UBR2: variants seen among roughly 807,000 people sequenced by gnomAD.
The protein encoded by UBR2 is ubiquitin protein ligase E3 component n-recognin 2.
Under a neutral mutation model 247.9 loss-of-function variants are expected in UBR2, and 92 were observed. The observed-to-expected ratio is 0.37, with a 90% CI of 0.31 to 0.44. The LOEUF is 0.44. UBR2 is among the 20% of genes least tolerant of loss of function. The probability of loss-of-function intolerance (pLI) is 1.00; values close to 1 mark genes in which losing one functional copy is unlikely to be tolerated. For synonymous variants in UBR2, 672 were observed against 693.5 expected, an observed-to-expected ratio of 0.97 and a Z score of 0.49; for missense variants, 1,613 against 2,112.6, an observed-to-expected ratio of 0.76 and a Z score of 4.64.
At chr6:42,579,587 A>G (rs1791744637) in intron 2 of UBR2, among the ~76,000 whole-genome samples, 1 of 152,214 alleles carries the variant, frequency 6.6e-6, no homozygotes, top group African/African-American at 2.4e-5. Context: ...CAGTGGCATG[A>G]TCATAACTCA....
chr6:42,632,064 A>AT (rs1361167705), intron 11 of UBR2, among the ~76,000 whole-genome samples: 20 of 65,812 alleles, frequency 3.0e-4, no homozygotes, highest in African/African-American at 2.4e-4. Flanking sequence ...TTTAAAAAAA[A>AT]AAAAAATATA....
chr6:42,637,331 C>T (rs938375586), intron 15 of UBR2, 137 bp downstream of exon 15: 9 of 991,362 alleles, frequency 9.1e-6, no homozygotes, highest in Middle Eastern at 2.8e-4. Flanking sequence ...ATCATCACAT[C>T]GTCCTGTGAA....
Position 42,663,433 on chromosome 6 carries a change from C to T in UBR2, c.3698+14C>T, listed in dbSNP as rs371577700. On this transcript the variant is annotated intron_variant, in intron 32 of 46. Coordinates refer to ENST00000372901, the MANE Select transcript of UBR2 (RefSeq NM_001363705.2). ...TATTTTTAACAAGTAAGTTTTGGCT[C>T]ATGACAACTATTACAAAGCAATAGT... is the stretch of plus-strand genomic sequence containing the variant. The T allele has an allele frequency of 1.3e-6, 2 of 1,598,816 alleles. No homozygotes were observed. Among genetic ancestry groups the T allele is most frequent in the African/African-American group, 1.4e-5 (1 of 73,916 alleles).
chr6:42,658,619 G>A (rs774347398), intron 28 of UBR2, 27 bp from the exon 29 acceptor site: 17 of 1,571,046 alleles, frequency 1.1e-5, no homozygotes, highest in Admixed American at 6.2e-5. Context: ...GCATCTAATT[G>A]TCTAATTGAA....
intron 34 of UBR2, 54 bp from the exon 35 acceptor site, chr6:42,670,038 T>G: frequency 6.3e-7 from 1 of 1,583,884 alleles, no homozygotes; most frequent in Non-Finnish European, 8.6e-7. Flanking sequence ...AACCGAACCA[T>G]TTGATTGATA....
chr6:42,640,921 G>T (rs1398055226), intron 16 of UBR2, among the ~76,000 whole-genome samples: 1 of 151,478 alleles, frequency 6.6e-6, no homozygotes, highest in Non-Finnish European at 1.5e-5. Flanking sequence ...TAGAGACAGG[G>T]TTTCACCATG....
At position 42,614,439 on chromosome 6, in the gene UBR2, C is replaced by CGTACGTACATACGTATATACGTATGTAT. The variant is rs1554250497; in HGVS notation, c.986-628_986-627insGTACATACGTATATACGTATGTATGTAC. ...ACGTACGTACATATATATGTATGTA[C>CGTACGTACATACGTATATACGTATGTAT]GTACATATATATGTATGGAACAAAT... On this transcript the variant is annotated intron_variant, in intron 8 of 46. Coordinates refer to ENST00000372901, the MANE Select transcript of UBR2 (RefSeq NM_001363705.2). Among the ~76,000 whole-genome samples the CGTACGTACATACGTATATACGTATGTAT allele has an allele frequency of 3.0e-4, 28 of 92,058 alleles. 2 individuals are homozygous for CGTACGTACATACGTATATACGTATGTAT. The highest frequency in any genetic ancestry group is 5.1e-3 in the Middle Eastern group (1 of 198). The allele number at this position is 92,058 out of a possible 152,430, so 60.4% of individuals were successfully genotyped here.
chr6:42,635,339 C>T, intron 13 of UBR2, 79 bp from the exon 14 acceptor site: 1 of 1,386,088 alleles, frequency 7.2e-7, no homozygotes, highest in South Asian at 1.3e-5. Context: ...ATATATTTCT[C>T]CTACATTACT....
At position 42,592,161 on chromosome 6, in the gene UBR2, G is replaced by A. The variant is rs896667859; in HGVS notation, c.349G>A (p.Val117Ile). ...TTTTTAACTTTACAGAGACTGTGCA[G>A]TTGATCCAACTTGTGTTTTGTGCAT... Reference protein sequence around the residue: ...EPTYSCRDCAVDPTCVLCMEC... With the variant: ...EPTYSCRDCAIDPTCVLCMEC... The change falls in exon 3 of 47, where the codon GTT (valine) becomes ATT (isoleucine). Residue 117 changes from valine to isoleucine, a missense_variant. Physicochemically the swap from Val to Ile is conservative, Grantham distance 29 (BLOSUM62 3). Transcript: ENST00000372901. 2 of 1,602,544 alleles carry A rather than the reference G, an allele frequency of 1.2e-6. No homozygotes were observed. The highest frequency in any genetic ancestry group is 1.8e-5 in the Admixed American group (1 of 56,788).
At chr6:42,591,923 G>A (rs1461364219) in intron 2 of UBR2, among the ~76,000 whole-genome samples, 1 of 152,088 alleles carries the variant, frequency 6.6e-6, no homozygotes. Flanking sequence ...CTAATAATAT[G>A]TGCCTTGAAA....
At chr6:42,647,360 T>A (rs1441987400) in intron 21 of UBR2, among the ~76,000 whole-genome samples, 4 of 141,824 alleles carry the variant, frequency 2.8e-5, no homozygotes, top group Admixed American at 1.6e-4. Flanking sequence ...GGTGGGCGGA[T>A]CAGGAAGTCA....
intron 8 of UBR2, among the ~76,000 whole-genome samples, chr6:42,614,439 C>CGTACATACATACGTATATATGTAAGTAT (rs1562312402): frequency 1.1e-5 from 1 of 91,996 alleles, no homozygotes; most frequent in South Asian, 3.5e-4. Flanking sequence ...TATGTATGTA[C>CGTACATACATACGTATATATGTAAGTAT]GTACATATAT....
chr6:42,653,228 G>A (rs1458805735), intron 25 of UBR2, among the ~76,000 whole-genome samples: 1 of 152,120 alleles, frequency 6.6e-6, no homozygotes, highest in Admixed American at 6.6e-5. Flanking sequence ...GGGATTACAG[G>A]CATGCATCAC....
At chr6:42,671,422 A>G (rs58922589) in intron 36 of UBR2, among the ~76,000 whole-genome samples, 1,615 of 151,516 alleles carry the variant, frequency 0.011, 21 homozygotes, top group African/African-American at 0.038. Flanking sequence ...AAAAAAAAAA[A>G]AAGAAGAAGA....
intron 11 of UBR2, among the ~76,000 whole-genome samples, chr6:42,632,265 G>C (rs1473519319): frequency 2.0e-5 from 3 of 151,844 alleles, no homozygotes; most frequent in Admixed American, 6.6e-5. Flanking sequence ...AAAATTTGCA[G>C]CCTGATTCAG....
intron 25 of UBR2, among the ~76,000 whole-genome samples, chr6:42,652,990 T>G (rs1797210859): frequency 6.6e-6 from 1 of 152,232 alleles, no homozygotes; most frequent in African/African-American, 2.4e-5. Context: ...GAATCATCCA[T>G]ATCCTTATTT....
intron 4 of UBR2, among the ~76,000 whole-genome samples, chr6:42,596,753 C>G (rs1793002204): frequency 6.6e-6 from 1 of 152,064 alleles, no homozygotes; most frequent in Non-Finnish European, 1.5e-5. Flanking sequence ...TGTATGATTC[C>G]TTTTATATGA....
chr6:42,610,072 G>A (rs115935768), intron 7 of UBR2, among the ~76,000 whole-genome samples: 1,970 of 152,220 alleles, frequency 0.013, 26 homozygotes, highest in Admixed American at 0.021. Flanking sequence ...AGCTACTCTG[G>A]AGGCTGAGGC....
intron 34 of UBR2, among the ~76,000 whole-genome samples, chr6:42,667,951 G>T (rs185177345): frequency 6.6e-6 from 1 of 151,778 alleles, no homozygotes; most frequent in East Asian, 1.9e-4. Flanking sequence ...TAGAGGTGGG[G>T]TTTCTCCATG....
Sources: gnomAD v4.1 joint callset for allele counts (sites outside exome capture counted in the v4.1 genomes callset) on GRCh38, gnomAD v4.1.1 for gene constraint, MANE v1.5 for transcripts, NCBI Gene and HGNC (gene_info 2026-07-23, HGNC 2026-07-21) for gene names.